STK32B: variants seen among roughly 807,000 people sequenced by gnomAD.
The protein encoded by STK32B is serine/threonine-protein kinase 32B.
In STK32B, 43 loss-of-function variants were observed where a neutral mutation model predicts 52.6. The ratio of observed to expected loss-of-function variants is 0.82; its 90% CI spans 0.64 to 1.05. The LOEUF (loss-of-function observed/expected upper bound fraction) is 1.05, where lower values mean the gene tolerates loss of function less well. Among genes scored for constraint, STK32B ranks in the 50% least tolerant of loss-of-function variants. The probability of loss-of-function intolerance (pLI) is 0.00; values close to 1 mark genes in which losing one functional copy is unlikely to be tolerated. For missense variants in STK32B, 621 were observed against 534.6 expected (o/e 1.16, Z -1.59); for synonymous variants, 238 against 204.3 (o/e 1.17, Z -1.41).
At chr4:5,118,555 C>G (rs1030510554) in intron 1 of STK32B, among the ~76,000 whole-genome samples, 1 of 152,190 alleles carries the variant, frequency 6.6e-6, no homozygotes, top group African/African-American at 2.4e-5. Context: ...GTTTCAGAAG[C>G]CATGTGCTCA....
intron 3 of STK32B, among the ~76,000 whole-genome samples, chr4:5,198,025 T>C (rs1455345657): frequency 1.3e-5 from 2 of 152,200 alleles, no homozygotes; most frequent in African/African-American, 4.8e-5. Flanking sequence ...TTAGTTTTTC[T>C]TCAAAATGCT....
At chr4:5,309,250 A>G (rs1179117008) in intron 3 of STK32B, among the ~76,000 whole-genome samples, 1 of 152,174 alleles carries the variant, frequency 6.6e-6, no homozygotes, top group African/African-American at 2.4e-5. Context: ...GAAGACACAG[A>G]AAAATGGAAA....
rs148839358 is a variant in STK32B at position 5,139,882 on chromosome 4, T to A, written c.53-23T>A. On this transcript the variant is annotated intron_variant, in intron 1 of 11. Coordinates refer to ENST00000282908, the MANE Select transcript of STK32B (RefSeq NM_018401.3). ...CCAGGTTTAGCAAATCTGACTTGTT[T>A]CCTTTTTTGTTTTCTTTTGCAGTCA... 391 of 1,614,172 alleles carry A rather than the reference T, an allele frequency of 2.4e-4. 2 individuals are homozygous for A. In the East Asian group the frequency reaches 8.4e-3, roughly 35 times the overall value.
chr4:5,225,128 T>C (rs1016770397), intron 3 of STK32B, among the ~76,000 whole-genome samples: 1 of 152,102 alleles, frequency 6.6e-6, no homozygotes, highest in Non-Finnish European at 1.5e-5. Context: ...ATTTTATAAA[T>C]AAAAACTGGG....
chr4:5,483,129 T>C (rs926351357), intron 11 of STK32B, among the ~76,000 whole-genome samples: 3 of 151,950 alleles, frequency 2.0e-5, no homozygotes, highest in African/African-American at 4.9e-5. Context: ...ATTCCCTCTT[T>C]TTCTATTGAT....
chr4:5,240,921 A>G (rs560003246), intron 3 of STK32B, among the ~76,000 whole-genome samples: 1 of 152,260 alleles, frequency 6.6e-6, no homozygotes. Context: ...CTATCCTTCT[A>G]TCAATAACTC....
At chr4:5,083,326 G>A (rs556135941) in intron 1 of STK32B, among the ~76,000 whole-genome samples, 30 of 152,280 alleles carry the variant, frequency 2.0e-4, no homozygotes, top group African/African-American at 7.0e-4. Flanking sequence ...GGTTTATGGA[G>A]TGTGTTGAAC....
At chr4:5,138,761 G>C (rs372314542) in intron 1 of STK32B, among the ~76,000 whole-genome samples, 41 of 152,326 alleles carry the variant, frequency 2.7e-4, no homozygotes, top group African/African-American at 9.6e-4. Flanking sequence ...GGAGCCAGAC[G>C]TAGTCTGGAG....
intron 3 of STK32B, among the ~76,000 whole-genome samples, chr4:5,254,124 A>G (rs1057224625): frequency 6.6e-6 from 1 of 152,116 alleles, no homozygotes; most frequent in African/African-American, 2.4e-5. Flanking sequence ...GAGATATTCT[A>G]TTTTTGCCTA....
chr4:5,111,248 A>C (rs1429293897), intron 1 of STK32B, among the ~76,000 whole-genome samples: 1 of 152,200 alleles, frequency 6.6e-6, no homozygotes, highest in Non-Finnish European at 1.5e-5. Flanking sequence ...TTGACTCAAC[A>C]ACTCCACTAC....
chr4:5,026,802 A>T, the STK32B span, among the ~76,000 whole-genome samples: 1 of 152,198 alleles, frequency 6.6e-6, no homozygotes, highest in Non-Finnish European at 1.5e-5. Flanking sequence ...TGAAATGGAC[A>T]TCACCATTCT....
chr4:5,407,742 C>G (rs1737773370), intron 5 of STK32B, among the ~76,000 whole-genome samples: 1 of 152,072 alleles, frequency 6.6e-6, no homozygotes, highest in Non-Finnish European at 1.5e-5. Flanking sequence ...AGGGGGAAAT[C>G]CAACCCCATA....
At chr4:5,355,658 C>T (rs1734127863) in intron 4 of STK32B, among the ~76,000 whole-genome samples, 1 of 152,138 alleles carries the variant, frequency 6.6e-6, no homozygotes, top group African/African-American at 2.4e-5. Context: ...CCCTAGATGC[C>T]TGAAGCATCT....
At chr4:5,250,358 G>T (rs549301394) in intron 3 of STK32B, among the ~76,000 whole-genome samples, 124 of 146,800 alleles carry the variant, frequency 8.4e-4, no homozygotes, top group African/African-American at 3.1e-3. Context: ...TGTCACCCAG[G>T]CTGGAGTGCA....
chr4:5,356,447 G>A (rs148864937), intron 4 of STK32B, among the ~76,000 whole-genome samples: 21 of 152,272 alleles, frequency 1.4e-4, no homozygotes, highest in African/African-American at 5.1e-4. Context: ...GATTTGGGAA[G>A]ACACCATTCA....
At chr4:5,180,815 T>C (rs556172816) in intron 3 of STK32B, among the ~76,000 whole-genome samples, 104 of 152,326 alleles carry the variant, frequency 6.8e-4, no homozygotes, top group Admixed American at 2.4e-3. Flanking sequence ...CATTGATTAA[T>C]TTTCATAGCA....
intron 11 of STK32B, among the ~76,000 whole-genome samples, chr4:5,481,056 T>A (rs574047813): frequency 1.3e-5 from 2 of 152,210 alleles, no homozygotes; most frequent in Admixed American, 6.5e-5. Flanking sequence ...TGTGCATGTG[T>A]CTTTAAAGCA....
rs1737241982 is a variant in STK32B at position 5,400,783 on chromosome 4, G to T, written c.472+2539G>T. Among the ~76,000 whole-genome samples the T allele has an allele frequency of 1.3e-5, 2 of 152,174 alleles. No homozygotes were observed. The highest frequency in any genetic ancestry group is 1.3e-4 in the Admixed American group (2 of 15,276). On this transcript the variant is annotated intron_variant, in intron 5 of 11. Coordinates refer to ENST00000282908, the MANE Select transcript of STK32B (RefSeq NM_018401.3). This position sits in a 1 kb window ranked among gnomAD's most constrained non-coding sequence, Gnocchi z 6.1. ...GGCTTTTTGAGCAGAGCCTGAAGCT[G>T]GCCATTCTTGCCTTTGTCTTTCCCT...
chr4:5,268,601 C>T (rs1396434210), intron 3 of STK32B, among the ~76,000 whole-genome samples: 1 of 145,454 alleles, frequency 6.9e-6, no homozygotes, highest in Non-Finnish European at 1.5e-5. Flanking sequence ...AATATATATG[C>T]TTTATGTTGC....
Sources: gnomAD v4.1 joint callset for allele counts (sites outside exome capture counted in the v4.1 genomes callset) on GRCh38, gnomAD v4.1.1 for gene constraint, Gnocchi (gnomAD v3.1) non-coding constraint, MANE v1.5 for transcripts, NCBI Gene and HGNC (gene_info 2026-07-23, HGNC 2026-07-21) for gene names.